APPBP2: variants seen among roughly 807,000 people sequenced by gnomAD.
The protein encoded by APPBP2 is amyloid protein-binding protein 2.
In APPBP2, 15 loss-of-function variants were observed where a neutral mutation model predicts 76.0. That is an observed-to-expected ratio of 0.20 (90% CI 0.13 to 0.30). The LOEUF is 0.30. APPBP2 is among the 10% of genes least tolerant of loss of function. The pLI, the probability that APPBP2 is intolerant of heterozygous loss-of-function variation, is 1.00. For missense variants in APPBP2, 401 were observed against 687.2 expected (o/e 0.58, Z 4.66); for synonymous variants, 222 against 242.2 (o/e 0.92, Z 0.77).
intron 3 of APPBP2, among the ~76,000 whole-genome samples, chr17:60,483,850 T>C (rs1326409487): frequency 6.6e-6 from 1 of 152,204 alleles, no homozygotes; most frequent in Non-Finnish European, 1.5e-5. Flanking sequence ...TTCTACGGTT[T>C]TTATGGTTTT....
chr17:60,496,919 G>A (rs905940141), intron 2 of APPBP2, among the ~76,000 whole-genome samples: 1 of 151,918 alleles, frequency 6.6e-6, no homozygotes, highest in African/African-American at 2.4e-5. Context: ...CAAGATTTCA[G>A]CATGTTGGCC....
chr17:60,500,496 A>G lies in APPBP2; in HGVS notation c.139-9T>C. The G allele has an allele frequency of 5.0e-6, 8 of 1,584,730 alleles. No individual in the cohort carries two copies. Among genetic ancestry groups the G allele is most frequent in the Non-Finnish European group, 6.8e-6 (8 of 1,169,704 alleles). ...CGTCCCTGTTGGTAAAGCTGAAATA[A>G]AAAACAAATGATTTAAAAATTTTGC... On this transcript the variant is annotated splice_polypyrimidine_tract_variant and intron_variant, in intron 1 of 12. Transcript: ENST00000083182.
At chr17:60,472,623 G>C (rs533350656) in intron 4 of APPBP2, among the ~76,000 whole-genome samples, 100 of 152,304 alleles carry the variant, frequency 6.6e-4, no homozygotes, top group African/African-American at 2.2e-3. Context: ...TCTTCTGCTA[G>C]AGAACGTGGA....
At chr17:60,453,431 C>T (rs1339603541) in intron 11 of APPBP2, among the ~76,000 whole-genome samples, 1 of 152,060 alleles carries the variant, frequency 6.6e-6, no homozygotes, top group African/African-American at 2.4e-5. Context: ...GTGTTCTGCA[C>T]ACCTTGGCCT....
chr17:60,490,238 T>C (rs2090716727), intron 3 of APPBP2, among the ~76,000 whole-genome samples: 1 of 152,158 alleles, frequency 6.6e-6, no homozygotes, highest in Non-Finnish European at 1.5e-5. Context: ...GTTAATGGTA[T>C]AACACCAGTG....
intron 5 of APPBP2, 81 bp from the exon 6 acceptor site, chr17:60,464,191 T>C (rs2090494822): frequency 1.0e-6 from 1 of 1,002,034 alleles, no homozygotes; most frequent in Non-Finnish European, 1.5e-6. Context: ...GCAAAATTTT[T>C]CTACAAGCAC....
intron 8 of APPBP2, 55 bp downstream of exon 8, chr17:60,461,755 A>C: frequency 7.6e-7 from 1 of 1,321,480 alleles, no homozygotes; most frequent in Non-Finnish European, 1.1e-6. Flanking sequence ...ACAAACAAAT[A>C]CAGGTCAGCA....
At chr17:60,481,812 C>T (rs1236374716) in intron 3 of APPBP2, among the ~76,000 whole-genome samples, 2 of 152,174 alleles carry the variant, frequency 1.3e-5, no homozygotes, top group Non-Finnish European at 2.9e-5. Context: ...CTTACAATGA[C>T]CATTTGTGCT....
rs2090487256 is a variant in APPBP2 at position 60,462,990 on chromosome 17, T to C, written c.763-929A>G. On this transcript the variant is annotated intron_variant, in intron 6 of 12. Transcript: ENST00000083182. ...AAAAAAAAACCCAGAAATATAAATC[T>C]TGCATAAATATTATGTTGTCTTTAT... Among the ~76,000 whole-genome samples the C allele has an allele frequency of 1.3e-5, 2 of 151,720 alleles. 1 individual carries two copies. Among genetic ancestry groups the C allele is most frequent in the South Asian group, 4.1e-4 (2 of 4,828 alleles).
chr17:60,481,916 C>CT (rs2090633282), intron 3 of APPBP2, among the ~76,000 whole-genome samples: 1 of 152,186 alleles, frequency 6.6e-6, no homozygotes, highest in Non-Finnish European at 1.5e-5. Flanking sequence ...AGAGTTTGCT[C>CT]TTGTTGCCCA....
At chr17:60,461,773 A>T in intron 8 of APPBP2, 37 bp downstream of exon 8, 1 of 1,475,648 alleles carries the variant, frequency 6.8e-7, no homozygotes, top group Non-Finnish European at 9.3e-7. Context: ...GCAAGTCAAT[A>T]CAGGTTGAAA....
chr17:60,450,394 C>T (rs1457006032), intron 12 of APPBP2, among the ~76,000 whole-genome samples: 2 of 150,260 alleles, frequency 1.3e-5, no homozygotes, highest in East Asian at 2.0e-4. Context: ...GCCGAGATCG[C>T]GCCACTGCAC....
intron 3 of APPBP2, among the ~76,000 whole-genome samples, chr17:60,492,119 A>T (rs2090734826): frequency 6.6e-6 from 1 of 152,198 alleles, no homozygotes. Flanking sequence ...CAAGGGGGCA[A>T]GTCCCAAGCC....
At chr17:60,498,736 C>T (rs1177786695) in intron 2 of APPBP2, among the ~76,000 whole-genome samples, 2 of 152,068 alleles carry the variant, frequency 1.3e-5, no homozygotes, top group Non-Finnish European at 2.9e-5. Flanking sequence ...TAAAATGAAT[C>T]TAGTGGTTAC....
intron 1 of APPBP2, among the ~76,000 whole-genome samples, chr17:60,511,482 G>C (rs2090912616): frequency 1.3e-5 from 2 of 151,408 alleles, no homozygotes; most frequent in South Asian, 2.1e-4. Flanking sequence ...CTACTCAGCA[G>C]ACTGAGGCAG....
chr17:60,504,717 T>C (rs192139569), intron 1 of APPBP2, among the ~76,000 whole-genome samples: 25 of 152,244 alleles, frequency 1.6e-4, no homozygotes, highest in Admixed American at 4.6e-4. Context: ...GGCATAAGAA[T>C]TGCACAAAGT....
intron 6 of APPBP2, among the ~76,000 whole-genome samples, chr17:60,463,004 T>C (rs2090487435): frequency 6.6e-6 from 1 of 151,618 alleles, no homozygotes; most frequent in African/African-American, 2.4e-5. Flanking sequence ...ATAAATATTA[T>C]GTTGTCTTTA....
rs1279084445 is a variant in APPBP2 at position 60,445,128 on chromosome 17, G to A, written c.*2453C>T. On this transcript the variant is annotated 3_prime_UTR_variant, in exon 13 of 13. Transcript: ENST00000083182. Reference sequence around the variant, plus strand: ...AGAACCAGAAATAATAGCACATTAAGTCATATCCCTAACCAAAATGGCAAT... The same window carrying A: ...AGAACCAGAAATAATAGCACATTAAATCATATCCCTAACCAAAATGGCAAT... 6.6e-6 allele frequency: 1 copy of A among 152,166 alleles called. No homozygotes were observed. Among genetic ancestry groups the A allele is most frequent in the Non-Finnish European group, 1.5e-5 (1 of 68,010 alleles). 9.4% of individuals were successfully genotyped at this position (152,166 alleles called of 1,614,324 possible). A position where few individuals can be genotyped will look rare whatever the true frequency, so the allele number is the denominator to read the frequency against.
At chr17:60,525,582 C>G (rs2091046541) in intron 1 of APPBP2, among the ~76,000 whole-genome samples, 1 of 152,184 alleles carries the variant, frequency 6.6e-6, no homozygotes, top group Non-Finnish European at 1.5e-5. Context: ...GCAAGACTCC[C>G]CAAGATTACT....
Sources: gnomAD v4.1 joint callset for allele counts (sites outside exome capture counted in the v4.1 genomes callset) on GRCh38, gnomAD v4.1.1 for gene constraint, MANE v1.5 for transcripts, NCBI Gene and HGNC (gene_info 2026-07-23, HGNC 2026-07-21) for gene names.